TFEC: variants seen among roughly 807,000 people sequenced by gnomAD.
The protein encoded by TFEC is transcription factor EC, also known as class E basic helix-loop-helix protein 34.
A neutral mutation model predicts 41.6 loss-of-function variants in TFEC; 31 were observed. The observed-to-expected ratio is 0.74, with a 90% CI of 0.56 to 1.01. TFEC has a LOEUF of 1.01. TFEC is among the 50% of genes least tolerant of loss of function. The pLI is 0.00. For synonymous variants in TFEC, 143 were observed against 140.6 expected (o/e 1.02, Z -0.12); for missense variants, 402 against 404.1 (o/e 0.99, Z 0.04).
At chr7:115,958,752 A>G (rs1792371098) in intron 3 of TFEC, among the ~76,000 whole-genome samples, 1 of 151,782 alleles carries the variant, frequency 6.6e-6, no homozygotes, top group Admixed American at 6.6e-5. Flanking sequence ...GATCTTGGTT[A>G]TTGTCTAATT....
intron 1 of TFEC, among the ~76,000 whole-genome samples, chr7:116,123,559 T>C (rs1798151206): frequency 6.6e-6 from 1 of 152,018 alleles, no homozygotes; most frequent in African/African-American, 2.4e-5. Flanking sequence ...GATCCTGTTG[T>C]CACTTATATC....
chr7:116,001,830 G>A (rs1194690140), intron 1 of TFEC, among the ~76,000 whole-genome samples: 1 of 152,008 alleles, frequency 6.6e-6, no homozygotes, highest in Admixed American at 6.5e-5. Context: ...TTAAAAATGG[G>A]CAAATAGTCC....
chr7:116,036,284 A>G (rs78190438), intron 3 of TFEC, among the ~76,000 whole-genome samples: 2 of 152,076 alleles, frequency 1.3e-5, no homozygotes, highest in African/African-American at 4.8e-5. Flanking sequence ...GAGCTAGGGT[A>G]TTTACACTCT....
chr7:116,144,946 CTT>C (rs1315692723), intron 1 of TFEC, among the ~76,000 whole-genome samples: 2 of 152,194 alleles, frequency 1.3e-5, no homozygotes, highest in Non-Finnish European at 2.9e-5. Context: ...ATCTCTCTCT[CTT>C]TCTCTCCAGA....
At chr7:116,043,145 T>C (rs1193875089) in intron 3 of TFEC, among the ~76,000 whole-genome samples, 1 of 152,140 alleles carries the variant, frequency 6.6e-6, no homozygotes, top group African/African-American at 2.4e-5. Flanking sequence ...AGTGAGGGAA[T>C]GCATTAAAGC....
chr7:116,021,669 C>T (rs1795400745), intron 1 of TFEC, among the ~76,000 whole-genome samples: 1 of 152,140 alleles, frequency 6.6e-6, no homozygotes, highest in Non-Finnish European at 1.5e-5. Context: ...TAAACTGTCT[C>T]CAGTCAATCT....
upstream of TFEC, chr7:116,030,843 T>A (rs1463695730): frequency 1.0e-6 from 1 of 985,154 alleles, no homozygotes; most frequent in Non-Finnish European, 1.2e-6. Context: ...TGAACCCTGG[T>A]TGGAATTTCA....
intron 3 of TFEC, among the ~76,000 whole-genome samples, chr7:116,053,822 C>A (rs114275950): frequency 6.9e-4 from 105 of 152,294 alleles, no homozygotes; most frequent in African/African-American, 2.4e-3. Context: ...AAATAAATTA[C>A]TTTTCTTTAT....
chr7:116,005,568 G>A (rs1003918251), intron 1 of TFEC, among the ~76,000 whole-genome samples: 4 of 152,174 alleles, frequency 2.6e-5, no homozygotes, highest in Non-Finnish European at 4.4e-5. Flanking sequence ...TTCAAGAGGT[G>A]ACTTGGGTGC....
chr7:116,112,367 C>T (rs1797874312), intron 1 of TFEC, among the ~76,000 whole-genome samples: 1 of 151,998 alleles, frequency 6.6e-6, no homozygotes, highest in Non-Finnish European at 1.5e-5. Context: ...TAGCAATTAG[C>T]ACACACTAAT....
At chr7:115,991,847 T>C (rs1218006221) in intron 1 of TFEC, among the ~76,000 whole-genome samples, 1 of 152,146 alleles carries the variant, frequency 6.6e-6, no homozygotes, top group Admixed American at 6.5e-5. Context: ...CAGCTCTGCA[T>C]CAAGTGGACC....
At chr7:115,954,526 C>T (rs984344978) in intron 5 of TFEC, 60 bp downstream of exon 5, 1 of 1,396,562 alleles carries the variant, frequency 7.2e-7, no homozygotes, top group African/African-American at 1.5e-5. Context: ...AAAGACCACA[C>T]ACCTTAACCT....
chr7:116,133,537 G>GAA (rs770772031), intron 1 of TFEC, among the ~76,000 whole-genome samples: 4 of 112,000 alleles, frequency 3.6e-5, no homozygotes, highest in African/African-American at 6.4e-5. Context: ...CTCTGTCTCA[G>GAA]AAAAAAAAAA....
chr7:116,152,991 G>T (rs1424444972), intron 1 of TFEC, among the ~76,000 whole-genome samples: 1 of 152,132 alleles, frequency 6.6e-6, no homozygotes, highest in Non-Finnish European at 1.5e-5. Flanking sequence ...CACACCATAT[G>T]TTCAAGAAGG....
rs1584542371 is a variant in TFEC, at chr7:115,940,835, G to C, written c.760C>G (p.Pro254Ala). 2.5e-6 allele frequency: 4 copies of C among 1,613,484 alleles called. No homozygotes were observed. The highest frequency in any genetic ancestry group is 2.5e-6 in the Non-Finnish European group (3 of 1,179,614). The change falls in exon 8 of 8, where the codon CCT (proline) becomes GCT (alanine). Residue 254 changes from proline to alanine, a missense_variant. Transcript: ENST00000265440. ...GAHVTKQQSH[P>A]EQNSVDYCQQ... ...CAATAGTCTACTGAATTCTGCTCAG[G>C]ATGGCTCTGCTGTTTGGTGACATGA...
At chr7:116,062,591 A>ATG (rs1361787491) in intron 3 of TFEC, among the ~76,000 whole-genome samples, 3 of 114,644 alleles carry the variant, frequency 2.6e-5, no homozygotes, top group Non-Finnish European at 5.5e-5. Flanking sequence ...ATATATATAT[A>ATG]TATATATATC....
intron 1 of TFEC, among the ~76,000 whole-genome samples, chr7:116,159,205 CTAAAT>C (rs994631913): frequency 6.6e-6 from 1 of 151,872 alleles, no homozygotes; most frequent in African/African-American, 2.4e-5. Flanking sequence ...CTCACTTTTA[CTAAAT>C]TATGAAATTC....
chr7:116,059,360 G>C (rs1483754804), intron 3 of TFEC, among the ~76,000 whole-genome samples: 1 of 151,846 alleles, frequency 6.6e-6, no homozygotes, highest in Non-Finnish European at 1.5e-5. Context: ...AAGTTTAAAA[G>C]CTTCCCAAGA....
At chr7:115,993,366 G>A (rs1404383000) in intron 1 of TFEC, among the ~76,000 whole-genome samples, 1 of 152,124 alleles carries the variant, frequency 6.6e-6, no homozygotes, top group Non-Finnish European at 1.5e-5. Context: ...GGACAAACAG[G>A]CAGGAGAAAG....
Sources: gnomAD v4.1 joint callset for allele counts (sites outside exome capture counted in the v4.1 genomes callset) on GRCh38, gnomAD v4.1.1 for gene constraint, MANE v1.5 for transcripts, NCBI Gene and HGNC (gene_info 2026-07-23, HGNC 2026-07-21) for gene names.